The following TBC1D5 variants were observed in gnomAD, a reference collection of about 807,000 sequenced individuals.
The protein encoded by TBC1D5 is TBC1 domain family, member 5.
In TBC1D5, 75 loss-of-function variants were observed where a neutral mutation model predicts 100.3. That is an observed-to-expected ratio of 0.75 (90% confidence interval 0.62 to 0.91). The LOEUF (loss-of-function observed/expected upper bound fraction) is 0.91, where lower values mean the gene tolerates loss of function less well. TBC1D5 is among the 40% of genes least tolerant of loss of function. The pLI, the probability that TBC1D5 is intolerant of heterozygous loss-of-function variation, is 0.00. For synonymous variants in TBC1D5, 323 were observed against 325.6 expected, an observed-to-expected ratio of 0.99 and a Z score of 0.09; for missense variants, 910 against 942.4, an observed-to-expected ratio of 0.97 and a Z score of 0.45.
At chr3:17,693,421 G>A (rs939334472) in intron 1 of TBC1D5, among the ~76,000 whole-genome samples, 5 of 152,232 alleles carry the variant, frequency 3.3e-5, no homozygotes, top group African/African-American at 1.2e-4. Context: ...CGGCAGACAA[G>A]GAGATTCTCT....
intron 1 of TBC1D5, among the ~76,000 whole-genome samples, chr3:17,686,273 TC>T (rs2070263849): frequency 6.6e-6 from 1 of 152,104 alleles, no homozygotes; most frequent in Non-Finnish European, 1.5e-5. Flanking sequence ...ACCTCATAAA[TC>T]AGCCTTCATT....
chr3:17,427,040 A>G (rs1484574695), intron 4 of TBC1D5, among the ~76,000 whole-genome samples: 1 of 152,034 alleles, frequency 6.6e-6, no homozygotes, highest in African/African-American at 2.4e-5. Context: ...TGTTACAATC[A>G]GCTATGACAC....
At chr3:17,716,756 C>T (rs926458332) in intron 1 of TBC1D5, among the ~76,000 whole-genome samples, 64 of 152,068 alleles carry the variant, frequency 4.2e-4, no homozygotes, top group African/African-American at 1.5e-3. Flanking sequence ...AATAATAATT[C>T]ACTCACTGCC....
chr3:17,274,012 T>TAAA lies in TBC1D5; in HGVS notation c.1246-15424_1246-15422dup, dbSNP rs34350746. On this transcript the variant is annotated intron_variant, in intron 15 of 21. Coordinates refer to ENST00000253692, the Ensembl canonical transcript of TBC1D5. ...AGCTCAAAGTTTAACTGTATTTAATTAAAAAAAAAAAAAAAAGAAGGAAGA... is the reference window on the plus strand; with the variant it reads ...AGCTCAAAGTTTAACTGTATTTAATTAAAAAAAAAAAAAAAAAAAGAAGGAAGA... 2.9e-4 allele frequency among the ~76,000 whole-genome samples: 40 copies of TAAA among 139,586 alleles called. 1 individual carries two copies. Among genetic ancestry groups the TAAA allele is most frequent in the East Asian group, 1.8e-3 (8 of 4,514 alleles). The allele number at this position is 139,586 out of a possible 152,430, so 91.6% of individuals were successfully genotyped here. A position where few individuals can be genotyped will look rare whatever the true frequency, so the allele number is the denominator to read the frequency against.
At chr3:17,706,857 AC>A (rs1245920182) in intron 1 of TBC1D5, among the ~76,000 whole-genome samples, 4 of 151,068 alleles carry the variant, frequency 2.6e-5, no homozygotes, top group African/African-American at 9.7e-5. Flanking sequence ...TTTAAGAAAG[AC>A]CTTTTTTTTT....
At chr3:17,191,077 T>C (rs891150668) in intron 18 of TBC1D5, among the ~76,000 whole-genome samples, 10 of 151,814 alleles carry the variant, frequency 6.6e-5, no homozygotes, top group African/African-American at 9.7e-5. Flanking sequence ...CCAGAAAAAA[T>C]AGAAGAAGAG....
chr3:17,690,813 T>C (rs1165319243), intron 1 of TBC1D5, among the ~76,000 whole-genome samples: 1 of 152,124 alleles, frequency 6.6e-6, no homozygotes, highest in Non-Finnish European at 1.5e-5. Flanking sequence ...AAAACTGTCT[T>C]CCACAAAACT....
intron 18 of TBC1D5, among the ~76,000 whole-genome samples, chr3:17,191,216 A>G (rs2069843409): frequency 6.6e-6 from 1 of 152,202 alleles, no homozygotes; most frequent in South Asian, 2.1e-4. Flanking sequence ...CTTGACACTT[A>G]CCTTCTCTGT....
At chr3:17,697,707 TC>T (rs1248721676) in intron 1 of TBC1D5, among the ~76,000 whole-genome samples, 1 of 152,090 alleles carries the variant, frequency 6.6e-6, no homozygotes, top group Non-Finnish European at 1.5e-5. Context: ...TTCAATGCCA[TC>T]CCCATCAAGC....
At chr3:17,287,652 T>C (rs1395760993) in intron 15 of TBC1D5, among the ~76,000 whole-genome samples, 1 of 152,242 alleles carries the variant, frequency 6.6e-6, no homozygotes, top group Non-Finnish European at 1.5e-5. Context: ...TGGAAAACTA[T>C]GAAGGAGTAT....
chr3:17,179,895 G>C (rs2068243266), intron 19 of TBC1D5, among the ~76,000 whole-genome samples: 1 of 152,194 alleles, frequency 6.6e-6, no homozygotes, highest in South Asian at 2.1e-4. Flanking sequence ...ATGGGCATTA[G>C]AGCCCAGAAG....
chr3:17,169,089 G>A (rs1168051114), intron 19 of TBC1D5, among the ~76,000 whole-genome samples: 1 of 152,112 alleles, frequency 6.6e-6, no homozygotes, highest in Non-Finnish European at 1.5e-5. Flanking sequence ...GACTAAAGAA[G>A]CCCCCAAATG....
At chr3:17,735,466 T>C (rs1020977005) in intron 1 of TBC1D5, among the ~76,000 whole-genome samples, 4 of 152,184 alleles carry the variant, frequency 2.6e-5, no homozygotes, top group Non-Finnish European at 4.4e-5. Context: ...TGGGTCTTTG[T>C]TCTTAGAACT....
At chr3:17,717,131 C>CA (rs1479176841) in intron 1 of TBC1D5, among the ~76,000 whole-genome samples, 1 of 151,788 alleles carries the variant, frequency 6.6e-6, no homozygotes, top group Non-Finnish European at 1.5e-5. Context: ...GTAAACAGTA[C>CA]AAGTAAAATT....
At chr3:17,667,772 T>C (rs1230083515) in intron 1 of TBC1D5, among the ~76,000 whole-genome samples, 1 of 152,260 alleles carries the variant, frequency 6.6e-6, no homozygotes, top group African/African-American at 2.4e-5. Context: ...TTTTTAATAA[T>C]TCCAAAATAG....
intron 10 of TBC1D5, among the ~76,000 whole-genome samples, 188 bp downstream of exon 10, chr3:17,376,337 C>T (rs112617207): frequency 7.2e-5 from 11 of 152,180 alleles, no homozygotes; most frequent in African/African-American, 2.6e-4. Context: ...TCTAAATTTG[C>T]CCCATAGCTA....
intron 13 of TBC1D5, among the ~76,000 whole-genome samples, chr3:17,314,916 T>C (rs1254414598): frequency 6.6e-6 from 1 of 152,194 alleles, no homozygotes; most frequent in Non-Finnish European, 1.5e-5. Flanking sequence ...AAAACACAGA[T>C]TGCTAGAACC....
chr3:17,220,114 A>T (rs1012673628), intron 17 of TBC1D5, among the ~76,000 whole-genome samples: 2 of 152,154 alleles, frequency 1.3e-5, no homozygotes, highest in African/African-American at 4.8e-5. Flanking sequence ...ATCAATTAAC[A>T]TTTTAGAAAG....
chr3:17,436,290 T>C (rs113437742), intron 3 of TBC1D5, among the ~76,000 whole-genome samples: 1 of 152,040 alleles, frequency 6.6e-6, no homozygotes, highest in Non-Finnish European at 1.5e-5. Context: ...GTAAGAAAGA[T>C]TAAATGAGAT....
Sources: allele counts gnomAD v4.1 joint callset (sites outside exome capture counted in the v4.1 genomes callset), GRCh38; gene constraint gnomAD v4.1.1; transcripts MANE v1.5; gene names NCBI Gene and HGNC (gene_info 2026-07-23, HGNC 2026-07-21).